The following PHTF2 variants were observed in gnomAD, a reference collection of about 807,000 sequenced individuals.
The protein encoded by PHTF2 is protein PHTF2.
A neutral mutation model predicts 101.2 loss-of-function variants in PHTF2; 60 were observed. That is an observed-to-expected ratio of 0.59 (90% CI 0.48 to 0.73). The LOEUF (loss-of-function observed/expected upper bound fraction) is 0.73, where lower values mean the gene tolerates loss of function less well. Ranked by LOEUF, PHTF2 falls within the 30% of genes least tolerant of loss-of-function variation. The probability of loss-of-function intolerance (pLI) is 0.00; values close to 1 mark genes in which losing one functional copy is unlikely to be tolerated. For synonymous variants in PHTF2, 311 were observed against 307.3 expected (o/e 1.01, Z -0.13); for missense variants, 747 against 908.7 (o/e 0.82, Z 2.29).
At chr7:77,907,058 T>C (rs1049077212) in intron 7 of PHTF2, among the ~76,000 whole-genome samples, 1 of 152,094 alleles carries the variant, frequency 6.6e-6, no homozygotes, top group Non-Finnish European at 1.5e-5. Context: ...GCCTATGTAC[T>C]GTATGTATGC....
chr7:77,866,204 A>AG (rs397742420), intron 3 of PHTF2, among the ~76,000 whole-genome samples: 1 of 151,296 alleles, frequency 6.6e-6, no homozygotes, highest in Non-Finnish European at 1.5e-5. Context: ...AAAAAAAAAA[A>AG]TTATTAAACG....
In PHTF2 at chr7:77,818,723, G is replaced by T. The variant is rs554820708; in HGVS notation, c.-36+19752G>T. Among the ~76,000 whole-genome samples the T allele has an allele frequency of 3.8e-4, 58 of 152,294 alleles. No individual in the cohort carries two copies. The Middle Eastern group carries it at 0.01, about 27-fold the overall frequency. On this transcript the variant is annotated intron_variant, in intron 1 of 19. Transcript: ENST00000416283. ...CCTCTTTGTGCTCAGGATTGCTTCA[G>T]CTATTCAGAGGCTTTTGTAGTTCCA... is the stretch of plus-strand genomic sequence containing the variant.
At chr7:77,844,119 C>T (rs1344742038) in intron 2 of PHTF2, among the ~76,000 whole-genome samples, 5 of 151,874 alleles carry the variant, frequency 3.3e-5, no homozygotes, top group Admixed American at 3.3e-4. Context: ...TGCCTCAGCC[C>T]CCCAAGTAGC....
At chr7:77,923,086 T>G in intron 11 of PHTF2, 1 of 1,042,492 alleles carries the variant, frequency 9.6e-7, no homozygotes, top group Non-Finnish European at 1.2e-6. Flanking sequence ...GTTCACTTTT[T>G]CCACAATTTG....
intron 11 of PHTF2, among the ~76,000 whole-genome samples, chr7:77,925,901 C>A (rs1374944266): frequency 2.0e-5 from 3 of 151,826 alleles, no homozygotes; most frequent in Non-Finnish European, 4.4e-5. Context: ...ACGAAAAATA[C>A]AAAAATTAGC....
At chr7:77,846,827 G>A (rs1007448101) in intron 2 of PHTF2, among the ~76,000 whole-genome samples, 6 of 151,812 alleles carry the variant, frequency 4.0e-5, no homozygotes. Context: ...CTTTTTTGTA[G>A]AGGCTGGGTC....
At chr7:77,905,246 C>T (rs2906515) in intron 7 of PHTF2, among the ~76,000 whole-genome samples, 3,454 of 152,132 alleles carry the variant, frequency 0.023, 128 homozygotes, top group African/African-American at 0.078. Context: ...GTTTTTTAGA[C>T]ATAGGGTTTT....
chr7:77,955,410 A>G (rs1299283053), exon 20 of PHTF2: 1 of 152,616 alleles, frequency 6.6e-6, no homozygotes, highest in Admixed American at 6.5e-5. Flanking sequence ...TTCAGTATTA[A>G]TATATACGGT....
intron 1 of PHTF2, among the ~76,000 whole-genome samples, chr7:77,838,142 A>C (rs17807736): frequency 0.22 from 34,071 of 152,136 alleles, 4,124 homozygotes; most frequent in South Asian, 0.29. Context: ...GTGTGTATTG[A>C]ATAGTCCCCT....
chr7:77,885,858 G>C (rs1476850267), intron 3 of PHTF2, among the ~76,000 whole-genome samples: 1 of 152,114 alleles, frequency 6.6e-6, no homozygotes, highest in Non-Finnish European at 1.5e-5. Context: ...AATAAATTTG[G>C]GCTCTGTGTT....
chr7:77,874,081 G>A (rs1450250858), intron 3 of PHTF2, among the ~76,000 whole-genome samples: 2 of 152,122 alleles, frequency 1.3e-5, no homozygotes, highest in Non-Finnish European at 2.9e-5. Context: ...TATGTTCCTT[G>A]GTTCTCCACA....
At chr7:77,926,151 A>G (rs1453034579) in intron 11 of PHTF2, among the ~76,000 whole-genome samples, 1 of 152,222 alleles carries the variant, frequency 6.6e-6, no homozygotes, top group Non-Finnish European at 1.5e-5. Context: ...GAAATCATTA[A>G]TTAGTTTCCG....
intron 1 of PHTF2, among the ~76,000 whole-genome samples, chr7:77,809,641 G>A (rs1037543576): frequency 1.3e-5 from 2 of 152,146 alleles, no homozygotes; most frequent in African/African-American, 4.8e-5. Flanking sequence ...ATTTCCTTAA[G>A]GGTATAATAA....
At chr7:77,880,316 C>G (rs548889646) in intron 3 of PHTF2, among the ~76,000 whole-genome samples, 1 of 152,238 alleles carries the variant, frequency 6.6e-6, no homozygotes, top group African/African-American at 2.4e-5. Context: ...GTAGAGATTT[C>G]TCAGTAACTC....
intron 7 of PHTF2, among the ~76,000 whole-genome samples, chr7:77,902,460 C>T (rs954000998): frequency 1.2e-4 from 18 of 152,164 alleles, no homozygotes; most frequent in African/African-American, 2.2e-4. Context: ...GAGTGCCCAA[C>T]GCCACATAGT....
chr7:77,856,819 A>G (rs1448864292), intron 3 of PHTF2, among the ~76,000 whole-genome samples: 1 of 152,174 alleles, frequency 6.6e-6, no homozygotes, highest in Non-Finnish European at 1.5e-5. Context: ...TTATATGCAC[A>G]TATTACACCA....
intron 11 of PHTF2, among the ~76,000 whole-genome samples, chr7:77,926,963 A>G (rs1245588498): frequency 1.3e-5 from 2 of 151,670 alleles, no homozygotes; most frequent in Non-Finnish European, 2.9e-5. Flanking sequence ...TTCCAGACCA[A>G]TCTGGCCAAT....
chr7:77,944,064 G>A (rs1805853507), intron 16 of PHTF2, among the ~76,000 whole-genome samples: 1 of 152,112 alleles, frequency 6.6e-6, no homozygotes, highest in Non-Finnish European at 1.5e-5. Flanking sequence ...GCTTTTGAAT[G>A]TACATATTGT....
At chr7:77,875,493 C>G (rs1324786471) in intron 3 of PHTF2, among the ~76,000 whole-genome samples, 2 of 151,652 alleles carry the variant, frequency 1.3e-5, no homozygotes, top group Admixed American at 1.3e-4. Context: ...CCTCCTATAT[C>G]ATGGTTGTTA....
Sources: gnomAD v4.1 joint callset for allele counts (sites outside exome capture counted in the v4.1 genomes callset) on GRCh38, gnomAD v4.1.1 for gene constraint, MANE v1.5 for transcripts, NCBI Gene and HGNC (gene_info 2026-07-23, HGNC 2026-07-21) for gene names.